The following CSMD1 variants were observed in gnomAD, a reference collection of about 807,000 sequenced individuals.
The protein encoded by CSMD1 is CUB and sushi domain-containing protein 1.
CSMD1 carries 213 observed loss-of-function variants against 417.5 expected under a neutral mutation model. The observed-to-expected ratio is 0.51, with a 90% CI of 0.46 to 0.57. The LOEUF is 0.57. CSMD1 is among the 20% of genes least tolerant of loss of function. The probability of loss-of-function intolerance (pLI) is 0.00; values close to 1 mark genes in which losing one functional copy is unlikely to be tolerated. For synonymous variants in CSMD1, 2,862 were observed against 1,736.8 expected, an observed-to-expected ratio of 1.65 and a Z score of -16.11; for missense variants, 6,923 against 4,529.7, an observed-to-expected ratio of 1.53 and a Z score of -15.17.
At chr8:4,029,082 A>C (rs532294418) in intron 4 of CSMD1, among the ~76,000 whole-genome samples, 2 of 152,330 alleles carry the variant, frequency 1.3e-5, no homozygotes, top group South Asian at 2.1e-4. Context: ...GAGTTCTTAA[A>C]ATATACACAT....
At chr8:3,487,923 T>A (rs75255256) in intron 11 of CSMD1, among the ~76,000 whole-genome samples, 21,209 of 152,048 alleles carry the variant, frequency 0.14, 1,576 homozygotes, top group East Asian at 0.23. Context: ...GGTTTTGTTT[T>A]TAAACTTGTT....
chr8:4,024,664 A>G (rs2130527305), intron 4 of CSMD1, among the ~76,000 whole-genome samples: 1 of 152,280 alleles, frequency 6.6e-6, no homozygotes, highest in African/African-American at 2.4e-5. Context: ...GCATATTGCC[A>G]AGGAGACACT....
At chr8:4,251,586 C>T (rs1042875787) in intron 3 of CSMD1, among the ~76,000 whole-genome samples, 4 of 152,262 alleles carry the variant, frequency 2.6e-5, no homozygotes, top group African/African-American at 9.6e-5. Context: ...CTATCCCAAC[C>T]CAAAAGTAAA....
At chr8:3,755,615 G>A (rs1385196582) in intron 5 of CSMD1, among the ~76,000 whole-genome samples, 3 of 152,146 alleles carry the variant, frequency 2.0e-5, no homozygotes, top group Non-Finnish European at 2.9e-5. Flanking sequence ...GGTCACCTGT[G>A]TAGAGAGCAT....
At chr8:3,449,955 G>A (rs1471832607) in intron 12 of CSMD1, among the ~76,000 whole-genome samples, 1 of 152,202 alleles carries the variant, frequency 6.6e-6, no homozygotes, top group Non-Finnish European at 1.5e-5. Flanking sequence ...CACACAGCTT[G>A]CCATAATCAA....
intron 1 of CSMD1, among the ~76,000 whole-genome samples, chr8:4,812,602 T>C (rs766786365): frequency 6.6e-6 from 1 of 151,056 alleles, no homozygotes; most frequent in African/African-American, 2.4e-5. Context: ...GCAAGCTTTT[T>C]TTAAAAAAAC....
intron 1 of CSMD1, among the ~76,000 whole-genome samples, chr8:4,742,883 C>G (rs886666704): frequency 6.6e-6 from 1 of 151,998 alleles, no homozygotes; most frequent in Non-Finnish European, 1.5e-5. Context: ...TTATAAGAGA[C>G]ATGTCTATCA....
intron 34 of CSMD1, 92 bp from the exon 35 acceptor site, chr8:3,189,103 A>G: frequency 4.2e-6 from 5 of 1,204,744 alleles, no homozygotes; most frequent in Non-Finnish European, 5.7e-6. Context: ...ACCACACAGT[A>G]AGAGAAAATG....
rs77885130 is a variant in CSMD1, at chr8:4,242,427, T to G, written c.415+177526A>C. Among the ~76,000 whole-genome samples the G allele has an allele frequency of 6.9e-3, 1,058 of 152,272 alleles. 13 individuals carry two copies. The highest frequency in any genetic ancestry group is 0.024 in the African/African-American group (995 of 41,550). ...GCAAATGAGAAAAGGATAAAATGTA[T>G]CATAATACTTCAAGCTATAATAGGA... On this transcript the variant is annotated intron_variant, in intron 3 of 69. Transcript: ENST00000635120.
At chr8:3,600,050 G>C (rs1201996704) in intron 8 of CSMD1, among the ~76,000 whole-genome samples, 7 of 152,146 alleles carry the variant, frequency 4.6e-5, no homozygotes, top group Non-Finnish European at 7.3e-5. Context: ...CATCACTAAG[G>C]GTAGAGCTGG....
chr8:3,361,416 C>G (rs1329726060), intron 20 of CSMD1, among the ~76,000 whole-genome samples: 2 of 151,854 alleles, frequency 1.3e-5, no homozygotes, highest in Non-Finnish European at 2.9e-5. Flanking sequence ...ATCATGAGGT[C>G]AGGAGTTTGA....
At chr8:3,908,519 C>CA (rs1355846808) in intron 5 of CSMD1, among the ~76,000 whole-genome samples, 5 of 152,104 alleles carry the variant, frequency 3.3e-5, no homozygotes, top group African/African-American at 4.8e-5. Flanking sequence ...CAAAACAAAA[C>CA]AAAAAAACTC....
At chr8:4,959,611 C>G (rs965898902) in intron 1 of CSMD1, among the ~76,000 whole-genome samples, 4 of 152,256 alleles carry the variant, frequency 2.6e-5, no homozygotes, top group African/African-American at 9.6e-5. Flanking sequence ...GAGCAGGCTT[C>G]CTGGCTTCCA....
intron 12 of CSMD1, among the ~76,000 whole-genome samples, chr8:3,455,454 T>G (rs1395818098): frequency 6.6e-6 from 1 of 152,206 alleles, no homozygotes; most frequent in Non-Finnish European, 1.5e-5. Flanking sequence ...TATCTTCCTT[T>G]GGTCTTTGAT....
At chr8:4,192,072 T>C (rs1222036683) in intron 3 of CSMD1, among the ~76,000 whole-genome samples, 2 of 152,082 alleles carry the variant, frequency 1.3e-5, no homozygotes, top group Non-Finnish European at 2.9e-5. Flanking sequence ...CAATAGCCAT[T>C]ACAGACAAAC....
chr8:4,919,950 A>G (rs570355334), intron 1 of CSMD1, among the ~76,000 whole-genome samples: 1 of 152,278 alleles, frequency 6.6e-6, no homozygotes, highest in African/African-American at 2.4e-5. Context: ...AGACCTGCCA[A>G]TGCCTTGATC....
chr8:3,285,626 T>A (rs140376582), intron 25 of CSMD1, among the ~76,000 whole-genome samples: 20,419 of 151,952 alleles, frequency 0.13, 1,415 homozygotes, highest in Middle Eastern at 0.2. Context: ...CTTGAACTCC[T>A]CACCTCAGGT....
intron 2 of CSMD1, among the ~76,000 whole-genome samples, chr8:4,484,870 G>C (rs911925156): frequency 3.3e-5 from 5 of 151,580 alleles, no homozygotes; most frequent in African/African-American, 1.2e-4. Flanking sequence ...CTACTCGGGA[G>C]GCTGAGGCGG....
intron 3 of CSMD1, among the ~76,000 whole-genome samples, chr8:4,335,471 T>A (rs115840008): frequency 0.013 from 2,007 of 152,260 alleles, 54 homozygotes; most frequent in African/African-American, 0.047. Context: ...GGAATTTATA[T>A]GGACTCCAGA....
Sources: gnomAD v4.1 joint callset for allele counts (sites outside exome capture counted in the v4.1 genomes callset) on GRCh38, gnomAD v4.1.1 for gene constraint, MANE v1.5 for transcripts, NCBI Gene and HGNC (gene_info 2026-07-23, HGNC 2026-07-21) for gene names.